The following NINJ2 variants were observed in gnomAD, a reference collection of about 807,000 sequenced individuals.
NINJ2 encodes ninjurin-2.
Under a neutral mutation model 11.7 loss-of-function variants are expected in NINJ2, and 12 were observed. That is an observed-to-expected ratio of 1.02 (90% CI 0.66 to 1.66). The LOEUF (loss-of-function observed/expected upper bound fraction) is 1.66, where lower values mean the gene tolerates loss of function less well. Ranked by LOEUF, NINJ2 falls within the 40% of genes most tolerant of loss-of-function variation. The pLI is 0.00. For synonymous variants in NINJ2, 93 were observed against 76.8 expected (o/e 1.21, Z -1.10); for missense variants, 187 against 181.8 (o/e 1.03, Z -0.16).
intron 1 of NINJ2, among the ~76,000 whole-genome samples, chr12:630,120 G>T (rs1347442623): frequency 6.6e-6 from 1 of 151,300 alleles, no homozygotes; most frequent in East Asian, 1.9e-4. Context: ...GTAACGCCAA[G>T]ATAGCAAAAT....
At chr12:573,026 T>TC (rs1947400224) in intron 1 of NINJ2, among the ~76,000 whole-genome samples, 1 of 140,316 alleles carries the variant, frequency 7.1e-6, no homozygotes, top group Non-Finnish European at 1.5e-5. Context: ...CCAGCTAATT[T>TC]TTTTTTTTTT....
chr12:629,567 A>G (rs889743600), intron 1 of NINJ2, among the ~76,000 whole-genome samples: 1 of 152,164 alleles, frequency 6.6e-6, no homozygotes, highest in Non-Finnish European at 1.5e-5. Flanking sequence ...CGCGGCCCAA[A>G]ACAAATTCGT....
At chr12:659,963 C>G (rs562794950) in intron 1 of NINJ2, among the ~76,000 whole-genome samples, 1 of 152,236 alleles carries the variant, frequency 6.6e-6, no homozygotes, top group South Asian at 2.1e-4. Context: ...CTTCCTGCCA[C>G]TTACTTGAGG....
chr12:657,513 C>T (rs964713451), intron 1 of NINJ2, among the ~76,000 whole-genome samples: 7 of 152,064 alleles, frequency 4.6e-5, no homozygotes, highest in African/African-American at 7.3e-5. Context: ...CGCTTGAACC[C>T]GGGAAGCAGA....
intron 1 of NINJ2, chr12:643,337 C>G (rs763966511): frequency 1.4e-6 from 1 of 690,716 alleles, no homozygotes; most frequent in South Asian, 6.5e-5. Flanking sequence ...AGCCCCGCGC[C>G]GGGTGGGGAG....
chr12:645,363 T>G (rs1937659940), intron 1 of NINJ2: 1 of 152,182 alleles, frequency 6.6e-6, no homozygotes, highest in Non-Finnish European at 1.5e-5. Context: ...GAGAAAACTA[T>G]GTATGTAGGA....
Position 591,885 on chromosome 12 carries a change from C to T in NINJ2, c.34-25707G>A, listed in dbSNP as rs1947721157. 6.6e-6 allele frequency among the ~76,000 whole-genome samples: 1 copy of T among 152,144 alleles called. No individual in the cohort carries two copies. Among genetic ancestry groups the T allele is most frequent in the Non-Finnish European group, 1.5e-5 (1 of 68,032 alleles). On this transcript the variant is annotated intron_variant, in intron 1 of 3. Transcript: ENST00000305108. This position sits in a 1 kb window ranked among gnomAD's most constrained non-coding sequence, Gnocchi z 5.0. ...GGCCGGCGGCAGGTATGGTGTGTGACTTAACTAGTCAATTTTGAGCAAACA... is the reference window on the plus strand; with the variant it reads ...GGCCGGCGGCAGGTATGGTGTGTGATTTAACTAGTCAATTTTGAGCAAACA...
At position 577,416 on chromosome 12, in the gene NINJ2, C is replaced by CATATATATATATAT. The variant is rs536829310; in HGVS notation, c.34-11239_34-11238insATATATATATATAT. 1.2e-4 allele frequency among the ~76,000 whole-genome samples: 15 copies of CATATATATATATAT among 121,234 alleles called. 2 individuals are homozygous for CATATATATATATAT. The highest frequency in any genetic ancestry group is 2.6e-4 in the South Asian group (1 of 3,852). The allele number at this position is 121,234 out of a possible 152,430, so 79.5% of individuals were successfully genotyped here. A position where few individuals can be genotyped will look rare whatever the true frequency, so the allele number is the denominator to read the frequency against. ...ATAAGTTGAGAAGCAACACTAGTCT[C>CATATATATATATAT]ATATATATATATACATATATATATA... On this transcript the variant is annotated intron_variant, in intron 1 of 3. Coordinates refer to ENST00000305108, the MANE Select transcript of NINJ2 (RefSeq NM_016533.6).
In NINJ2 at chr12:655,414, C is replaced by T. The variant is rs577764811; in HGVS notation, c.33+7914G>A. Among the ~76,000 whole-genome samples, 41 of 152,254 alleles carry T rather than the reference C, an allele frequency of 2.7e-4. 1 individual carries two copies. Among genetic ancestry groups the T allele is most frequent in the African/African-American group, 8.9e-4 (37 of 41,542 alleles). On this transcript the variant is annotated intron_variant, in intron 1 of 3. Coordinates refer to ENST00000305108, the MANE Select transcript of NINJ2 (RefSeq NM_016533.6). Reference sequence around the variant, plus strand: ...TGCTGGAACTAATAAGCAATTATAGCAAGGTTGCAGGATACAAGGTTAATA... The same window carrying T: ...TGCTGGAACTAATAAGCAATTATAGTAAGGTTGCAGGATACAAGGTTAATA...
At chr12:601,437 A>ACT in intron 1 of NINJ2, among the ~76,000 whole-genome samples, 1 of 151,834 alleles carries the variant, frequency 6.6e-6, no homozygotes. Flanking sequence ...AGTCCCAGCT[A>ACT]CAGGGGAGGC....
chr12:620,569 C>A (rs975707221), intron 1 of NINJ2, among the ~76,000 whole-genome samples: 10 of 152,312 alleles, frequency 6.6e-5, no homozygotes, highest in African/African-American at 2.4e-4. Flanking sequence ...TTTGTAGATA[C>A]TAAAAGTACA....
At chr12:596,341 G>A (rs1224142810) in intron 1 of NINJ2, among the ~76,000 whole-genome samples, 4 of 152,162 alleles carry the variant, frequency 2.6e-5, no homozygotes, top group Non-Finnish European at 4.4e-5. Flanking sequence ...ACAACAGCAG[G>A]AGTGAACTCT....
chr12:619,646 G>A (rs893827146), intron 1 of NINJ2, among the ~76,000 whole-genome samples: 4 of 152,170 alleles, frequency 2.6e-5, no homozygotes, highest in East Asian at 3.8e-4. Context: ...ATAGTCTCCC[G>A]GAAGAGAGGG....
chr12:592,256 T>C (rs1202313871), intron 1 of NINJ2, among the ~76,000 whole-genome samples: 1 of 152,020 alleles, frequency 6.6e-6, no homozygotes, highest in African/African-American at 2.4e-5. Context: ...ATAAAACAGT[T>C]AGGTGTCTCC....
intron 1 of NINJ2, among the ~76,000 whole-genome samples, chr12:650,584 A>G (rs1238681317): frequency 2.0e-5 from 3 of 152,110 alleles, no homozygotes; most frequent in African/African-American, 7.2e-5. Context: ...CTGTAGTCCC[A>G]GCTAATCAGG....
At chr12:576,338 C>A (rs1947460905) in intron 1 of NINJ2, among the ~76,000 whole-genome samples, 1 of 152,228 alleles carries the variant, frequency 6.6e-6, no homozygotes, top group Non-Finnish European at 1.5e-5. Flanking sequence ...GCGGGCACAC[C>A]CGGGCTTTGA....
intron 1 of NINJ2, among the ~76,000 whole-genome samples, chr12:651,157 T>C (rs539201633): frequency 3.9e-5 from 6 of 152,052 alleles, no homozygotes; most frequent in African/African-American, 1.2e-4. Flanking sequence ...CCAAGTTCTA[T>C]AGTAAATGTC....
chr12:608,306 A>G (rs1947965499), intron 1 of NINJ2, among the ~76,000 whole-genome samples: 1 of 152,176 alleles, frequency 6.6e-6, no homozygotes, highest in Non-Finnish European at 1.5e-5. Context: ...AAGGCTGACC[A>G]TAGTAATCAA....
At chr12:603,011 T>G (rs1379422669) in intron 1 of NINJ2, among the ~76,000 whole-genome samples, 1 of 152,098 alleles carries the variant, frequency 6.6e-6, no homozygotes, top group African/African-American at 2.4e-5. Context: ...TTTTAATTTT[T>G]TTTTTTGTAG....
Sources: gnomAD v4.1 joint callset for allele counts (sites outside exome capture counted in the v4.1 genomes callset) on GRCh38, gnomAD v4.1.1 for gene constraint, Gnocchi (gnomAD v3.1) non-coding constraint, MANE v1.5 for transcripts, NCBI Gene and HGNC (gene_info 2026-07-23, HGNC 2026-07-21) for gene names.